The following ZPBP variants were observed in gnomAD, a reference collection of about 807,000 sequenced individuals.
The protein encoded by ZPBP is zona pellucida-binding protein 1.
Under a neutral mutation model 44.8 loss-of-function variants are expected in ZPBP, and 26 were observed. The ratio of observed to expected loss-of-function variants is 0.58; its 90% CI spans 0.43 to 0.81. ZPBP has a LOEUF of 0.81. Ranked by LOEUF, ZPBP falls within the 30% of genes least tolerant of loss-of-function variation. ZPBP has a pLI of 0.00. For synonymous variants in ZPBP, 174 were observed against 153.2 expected, an observed-to-expected ratio of 1.14 and a Z score of -1.00; for missense variants, 409 against 434.0, an observed-to-expected ratio of 0.94 and a Z score of 0.51.
intron 6 of ZPBP, among the ~76,000 whole-genome samples, chr7:50,008,357 G>A (rs774023055): frequency 5.9e-5 from 9 of 152,016 alleles, no homozygotes; most frequent in African/African-American, 1.2e-4. Flanking sequence ...ATTAGAAAAT[G>A]TTGCTGAAAA....
chr7:49,866,295 A>G lies in ZPBP; in HGVS notation n.510-15781T>C, dbSNP rs918626239. 6.6e-5 allele frequency among the ~76,000 whole-genome samples: 10 copies of G among 152,116 alleles called. No homozygotes were observed. In the East Asian group the frequency reaches 7.7e-4, roughly 12 times the overall value. On this transcript the variant is annotated intron_variant and non_coding_transcript_variant, in intron 2 of 2. Coordinates refer to the ZPBP transcript ENST00000465922. ...TGTCAGCTGTGCCAGGTGTCTTGCTATGGCCTAACACTGGTTGCCACTTTT... is the reference window on the plus strand; with the variant it reads ...TGTCAGCTGTGCCAGGTGTCTTGCTGTGGCCTAACACTGGTTGCCACTTTT...
Position 50,075,058 on chromosome 7 carries a change from T to G in ZPBP, c.334+6716A>C, listed in dbSNP as rs948350425. Among the ~76,000 whole-genome samples, 3 of 151,790 alleles carry G rather than the reference T, an allele frequency of 2.0e-5. No homozygotes were observed. The South Asian group carries it at 6.2e-4, about 32-fold the overall frequency. ...TTAAAACACTTTTTAAAAACTGAAA[T>G]AATATTAAGCATCTTCTCTGACCAC... On this transcript the variant is annotated intron_variant, in intron 3 of 7. Transcript: ENST00000046087.
chr7:49,980,094 T>C (rs1250637662), intron 7 of ZPBP, among the ~76,000 whole-genome samples: 1 of 97,650 alleles, frequency 1.0e-5, no homozygotes, highest in Non-Finnish European at 1.8e-5. Context: ...TAATTTTATA[T>C]TATATATAAT....
intron 2 of ZPBP, among the ~76,000 whole-genome samples, chr7:49,862,311 T>G (rs111932553): frequency 0.028 from 4,192 of 152,250 alleles, 159 homozygotes; most frequent in South Asian, 0.12. Flanking sequence ...TTTTTTTGTG[T>G]GTCAATCTTG....
At chr7:49,958,296 G>A (rs1795698060) in intron 7 of ZPBP, among the ~76,000 whole-genome samples, 1 of 152,060 alleles carries the variant, frequency 6.6e-6, no homozygotes, top group Non-Finnish European at 1.5e-5. Flanking sequence ...TGGGGCTACT[G>A]GATAAAAATG....
rs578226333 is a variant in ZPBP, at chr7:49,874,642, T to G, written n.510-24128A>C. 1.2e-4 allele frequency among the ~76,000 whole-genome samples: 18 copies of G among 152,172 alleles called. No homozygotes were observed. The East Asian group carries it at 2.1e-3, about 18-fold the overall frequency. On this transcript the variant is annotated intron_variant and non_coding_transcript_variant, in intron 2 of 2. Transcript: ENST00000465922. ...GTTTAGGTGACAGGATTGGGGGTAT[T>G]TATGTTCTTCCTTTTTCTTTTCTGG...
At chr7:49,981,073 TAAAC>T (rs923386841) in intron 7 of ZPBP, among the ~76,000 whole-genome samples, 3 of 148,926 alleles carry the variant, frequency 2.0e-5, no homozygotes, top group Non-Finnish European at 3.0e-5. Flanking sequence ...GAATACAAAT[TAAAC>T]AAAGAAATAA....
At chr7:50,039,432 AC>A (rs1201372830) in intron 4 of ZPBP, among the ~76,000 whole-genome samples, 2 of 152,290 alleles carry the variant, frequency 1.3e-5, no homozygotes, top group African/African-American at 4.8e-5. Context: ...TGCAAAAAAA[AC>A]AAAGTGCACC....
intron 4 of ZPBP, among the ~76,000 whole-genome samples, chr7:50,041,011 T>C (rs1223521796): frequency 2.0e-5 from 3 of 152,098 alleles, no homozygotes; most frequent in South Asian, 2.1e-4. Flanking sequence ...AGTAGGCAGT[T>C]TTCCCCTCAC....
intron 3 of ZPBP, among the ~76,000 whole-genome samples, chr7:50,069,119 C>A (rs961530104): frequency 6.6e-6 from 1 of 152,158 alleles, no homozygotes; most frequent in African/African-American, 2.4e-5. Flanking sequence ...TTTCCCTGAG[C>A]CCTGATTTCT....
intron 7 of ZPBP, among the ~76,000 whole-genome samples, chr7:49,950,167 T>C (rs1795276282): frequency 6.6e-6 from 1 of 151,898 alleles, no homozygotes. Context: ...TACAAAAATT[T>C]AGAAGTTTTA....
At chr7:50,002,405 TCAGA>T (rs1217376808) in intron 6 of ZPBP, among the ~76,000 whole-genome samples, 2 of 152,092 alleles carry the variant, frequency 1.3e-5, no homozygotes, top group African/African-American at 2.4e-5. Flanking sequence ...CCAAATCATA[TCAGA>T]CAGGGTATCA....
chr7:49,927,494 T>C (rs1794284346), intron 1 of ZPBP, among the ~76,000 whole-genome samples: 2 of 152,176 alleles, frequency 1.3e-5, no homozygotes, highest in African/African-American at 4.8e-5. Flanking sequence ...CAGCACCATA[T>C]ATTAGAGTCA....
chr7:49,976,885 G>A (rs1489132876), intron 7 of ZPBP, among the ~76,000 whole-genome samples: 1 of 152,054 alleles, frequency 6.6e-6, no homozygotes, highest in Admixed American at 6.5e-5. Context: ...GGCGGATCAC[G>A]AGGTCAGGAG....
chr7:50,005,102 G>A (rs1420284549), intron 6 of ZPBP, among the ~76,000 whole-genome samples: 1 of 149,792 alleles, frequency 6.7e-6, no homozygotes, highest in African/African-American at 2.5e-5. Context: ...AAACCATGGA[G>A]GCCAGAAGAT....
chr7:50,006,015 A>C (rs1223775772), intron 6 of ZPBP, among the ~76,000 whole-genome samples: 1 of 151,890 alleles, frequency 6.6e-6, no homozygotes, highest in Non-Finnish European at 1.5e-5. Context: ...CTAATATCAG[A>C]AAAAAACAGA....
intron 4 of ZPBP, among the ~76,000 whole-genome samples, chr7:50,037,723 A>C (rs958903732): frequency 6.6e-6 from 1 of 152,188 alleles, no homozygotes; most frequent in Non-Finnish European, 1.5e-5. Context: ...CAGCCAAACC[A>C]TATCAAACAG....
At chr7:50,071,466 T>C (rs899417746) in intron 3 of ZPBP, among the ~76,000 whole-genome samples, 4 of 152,164 alleles carry the variant, frequency 2.6e-5, no homozygotes, top group African/African-American at 9.7e-5. Context: ...AGGTGAGTCC[T>C]AGTGCTGAAC....
chr7:50,066,500 T>C (rs1336126718), intron 3 of ZPBP, among the ~76,000 whole-genome samples: 3 of 152,100 alleles, frequency 2.0e-5, no homozygotes, highest in Admixed American at 6.5e-5. Context: ...TTTCTAGAGA[T>C]TTCTTCCCTT....
Sources: allele counts gnomAD v4.1 joint callset (sites outside exome capture counted in the v4.1 genomes callset), GRCh38; gene constraint gnomAD v4.1.1; transcripts MANE v1.5; gene names NCBI Gene and HGNC (gene_info 2026-07-23, HGNC 2026-07-21).